Variants in PPP1R21 observed in about 807,000 individuals in gnomAD.
The protein encoded by PPP1R21 is KLRAQ motif containing 1.
Under a neutral mutation model 112.8 loss-of-function variants are expected in PPP1R21, and 85 were observed. The ratio of observed to expected loss-of-function variants is 0.75; its 90% CI spans 0.63 to 0.90. The LOEUF (loss-of-function observed/expected upper bound fraction) is 0.90. Among genes scored for constraint, PPP1R21 ranks in the 40% least tolerant of loss-of-function variants. The pLI, the probability that PPP1R21 is intolerant of heterozygous loss-of-function variation, is 0.00. For synonymous variants in PPP1R21, 381 were observed against 322.3 expected (o/e 1.18, Z -1.95); for missense variants, 1,199 against 901.5 (o/e 1.33, Z -4.23).
chr2:48,495,311 C>G (rs554820851), intron 15 of PPP1R21, among the ~76,000 whole-genome samples: 1 of 152,074 alleles, frequency 6.6e-6, no homozygotes, highest in Non-Finnish European at 1.5e-5. Flanking sequence ...TCAAGTGATT[C>G]TCGTGCCTCA....
At chr2:48,510,364 C>T (rs1202590443) in intron 20 of PPP1R21, among the ~76,000 whole-genome samples, 1 of 152,132 alleles carries the variant, frequency 6.6e-6, no homozygotes, top group Non-Finnish European at 1.5e-5. Flanking sequence ...CTTATTTACC[C>T]AGAATTTTTC....
chr2:48,501,590 G>A (rs901074895), intron 17 of PPP1R21, among the ~76,000 whole-genome samples: 4 of 152,146 alleles, frequency 2.6e-5, no homozygotes, highest in African/African-American at 9.7e-5. Flanking sequence ...CCCAAGCCCT[G>A]CCCTCTTAAC....
intron 17 of PPP1R21, among the ~76,000 whole-genome samples, chr2:48,500,769 C>T (rs531746307): frequency 3.3e-5 from 5 of 152,158 alleles, no homozygotes; most frequent in Admixed American, 1.3e-4. Flanking sequence ...ATTAGCCAGG[C>T]GTGGCGGCCT....
At chr2:48,443,355 C>T (rs965626711) in intron 1 of PPP1R21, among the ~76,000 whole-genome samples, 2 of 152,162 alleles carry the variant, frequency 1.3e-5, no homozygotes, top group African/African-American at 2.4e-5. Flanking sequence ...GGTTGGAAGG[C>T]ACACTAAATT....
At chr2:48,505,351 A>G (rs567775432) in intron 17 of PPP1R21, among the ~76,000 whole-genome samples, 1 of 152,370 alleles carries the variant, frequency 6.6e-6, no homozygotes, top group South Asian at 2.1e-4. Context: ...AGATTTGGTG[A>G]TGATCATTAT....
At chr2:48,448,216 G>A (rs1362551805) in intron 1 of PPP1R21, among the ~76,000 whole-genome samples, 2 of 152,190 alleles carry the variant, frequency 1.3e-5, no homozygotes, top group Admixed American at 1.3e-4. Context: ...TCTGTTAAAT[G>A]GTTTCATTGA....
chr2:48,495,205 CT>C (rs986315910), intron 15 of PPP1R21, among the ~76,000 whole-genome samples: 2 of 149,884 alleles, frequency 1.3e-5, no homozygotes, highest in East Asian at 2.0e-4. Context: ...TATTGTTTTT[CT>C]TTTTTTTTTC....
chr2:48,453,200 C>T (rs984684286), intron 2 of PPP1R21, among the ~76,000 whole-genome samples: 1 of 152,164 alleles, frequency 6.6e-6, no homozygotes, highest in Non-Finnish European at 1.5e-5. Flanking sequence ...GTGATCCGCC[C>T]TCTTTAGCCT....
At chr2:48,469,261 T>TGTGTGTGTG (rs1372669317) in intron 9 of PPP1R21, among the ~76,000 whole-genome samples, 1 of 46,206 alleles carries the variant, frequency 2.2e-5, no homozygotes, top group African/African-American at 7.5e-5. Flanking sequence ...TATATTTGAA[T>TGTGTGTGTG]TGTGTGTGTG....
At chr2:48,511,878 G>GA (rs369351338) in intron 21 of PPP1R21, among the ~76,000 whole-genome samples, 2,367 of 145,384 alleles carry the variant, frequency 0.016, 53 homozygotes, top group African/African-American at 0.054. Context: ...CTCTAAAAAA[G>GA]AAAAAAAAAA....
At chr2:48,510,418 T>C (rs539205614) in intron 20 of PPP1R21, among the ~76,000 whole-genome samples, 3 of 152,376 alleles carry the variant, frequency 2.0e-5, no homozygotes, top group Admixed American at 1.3e-4. Context: ...GCTGTAGGCT[T>C]GTTCTGTACA....
At chr2:48,462,542 G>A (rs952447430) in intron 7 of PPP1R21, among the ~76,000 whole-genome samples, 4 of 152,166 alleles carry the variant, frequency 2.6e-5, no homozygotes, top group Non-Finnish European at 5.9e-5. Context: ...AAGGAATTAC[G>A]TGAAGTATGG....
chr2:48,514,765 G>T lies in PPP1R21; in HGVS notation c.*21G>T, dbSNP rs778238835. 6.2e-7 allele frequency: 1 copy of T among 1,612,794 alleles called. No homozygotes were observed. ...GATAGTTTTGAAATAGCTGGTTGGC[G>T]ACTGTTCTTTCCAGACCTGCTCCTG... On this transcript the variant is annotated 3_prime_UTR_variant, in exon 22 of 22. Transcript: ENST00000294952.
intron 21 of PPP1R21, among the ~76,000 whole-genome samples, chr2:48,513,418 C>T (rs1464988931): frequency 6.6e-6 from 1 of 150,808 alleles, no homozygotes; most frequent in African/African-American, 2.4e-5. Context: ...CCATGTTGCT[C>T]AGGCTGGTCT....
At chr2:48,511,300 T>A in intron 20 of PPP1R21, 40 bp from the exon 21 acceptor site, 2 of 1,594,760 alleles carry the variant, frequency 1.3e-6, no homozygotes, top group Non-Finnish European at 8.5e-7. Flanking sequence ...GTGGTACGAC[T>A]CGTGGGATGT....
chr2:48,450,534 A>T (rs1667427337), intron 1 of PPP1R21, among the ~76,000 whole-genome samples: 1 of 152,254 alleles, frequency 6.6e-6, no homozygotes, highest in African/African-American at 2.4e-5. Flanking sequence ...TATTAGGCAC[A>T]GTGTCCTACT....
intron 11 of PPP1R21, among the ~76,000 whole-genome samples, chr2:48,473,199 A>C (rs1668601805): frequency 6.6e-6 from 1 of 151,984 alleles, no homozygotes; most frequent in Non-Finnish European, 1.5e-5. Context: ...ATATGATAGG[A>C]TATTAGGAAA....
chr2:48,446,527 C>T (rs1490015349), intron 1 of PPP1R21, among the ~76,000 whole-genome samples: 7 of 152,020 alleles, frequency 4.6e-5, no homozygotes, highest in Non-Finnish European at 1.5e-5. Context: ...TAATGGCAAT[C>T]TCTTATATAA....
chr2:48,472,131 T>A (rs957031228), intron 11 of PPP1R21, among the ~76,000 whole-genome samples: 6 of 147,192 alleles, frequency 4.1e-5, no homozygotes, highest in African/African-American at 1.5e-4. Flanking sequence ...TCCCAGCTAC[T>A]TGGGAGGCTG....
Sources: allele counts gnomAD v4.1 joint callset (sites outside exome capture counted in the v4.1 genomes callset), GRCh38; gene constraint gnomAD v4.1.1; transcripts MANE v1.5; gene names NCBI Gene and HGNC (gene_info 2026-07-23, HGNC 2026-07-21).